Variants in POLR3A observed in about 807,000 individuals in gnomAD.
POLR3A encodes DNA-directed RNA polymerase III subunit RPC1.
POLR3A carries 112 observed loss-of-function variants against 152.8 expected under a neutral mutation model. The observed-to-expected ratio is 0.73, with a 90% CI of 0.63 to 0.86. The LOEUF is 0.86. POLR3A is among the 40% of genes least tolerant of loss of function. The pLI is 0.00. For synonymous variants in POLR3A, 615 were observed against 652.1 expected, an observed-to-expected ratio of 0.94 and a Z score of 0.87; for missense variants, 1,385 against 1,743.1, an observed-to-expected ratio of 0.79 and a Z score of 3.66.
intron 30 of POLR3A, 51 bp downstream of exon 30, chr10:77,980,090 T>C (rs1847125495): frequency 6.4e-7 from 1 of 1,564,258 alleles, no homozygotes; most frequent in African/African-American, 1.4e-5. Context: ...CCATGGTCTA[T>C]TTGTAAATAG....
chr10:78,022,404 C>T lies in POLR3A; in HGVS notation c.646-20G>A, dbSNP rs775497531. On this transcript the variant is annotated intron_variant, in intron 5 of 30. Transcript: ENST00000372371. Reference sequence around the variant, plus strand: ...GTTTTCCTATGGAAACGAAGAAAGGCAGAAATGGAGATACTATGTTAGTTT... The same window carrying T: ...GTTTTCCTATGGAAACGAAGAAAGGTAGAAATGGAGATACTATGTTAGTTT... The T allele has an allele frequency of 1.2e-6, 2 of 1,611,982 alleles. No homozygotes were observed. The highest frequency in any genetic ancestry group is 1.7e-6 in the Non-Finnish European group (2 of 1,179,808).
chr10:78,021,167 G>A (rs1009068037), intron 8 of POLR3A, among the ~76,000 whole-genome samples: 1 of 152,102 alleles, frequency 6.6e-6, no homozygotes, highest in African/African-American at 2.4e-5. Context: ...GGTTTTTACT[G>A]TGTTGCCCAG....
At chr10:77,983,818 G>A in intron 26 of POLR3A, 102 bp downstream of exon 26, 1 of 764,770 alleles carries the variant, frequency 1.3e-6, no homozygotes, top group South Asian at 1.5e-5. Flanking sequence ...AGAAGGTTCT[G>A]CAATGCTTCC....
intron 19 of POLR3A, among the ~76,000 whole-genome samples, chr10:77,997,595 C>T (rs955389823): frequency 1.3e-5 from 2 of 152,132 alleles, no homozygotes; most frequent in Non-Finnish European, 2.9e-5. Flanking sequence ...ATCCAACTTA[C>T]AAGGGATGTG....
chr10:78,006,253 C>T (rs538897868), intron 15 of POLR3A, among the ~76,000 whole-genome samples: 20 of 151,792 alleles, frequency 1.3e-4, no homozygotes, highest in Admixed American at 2.0e-4. Flanking sequence ...AAAAATTAGC[C>T]GGGCATGGTG....
intron 5 of POLR3A, among the ~76,000 whole-genome samples, chr10:78,023,244 TGAGGTCAG>T (rs1334280460): frequency 6.6e-6 from 1 of 151,854 alleles, no homozygotes; most frequent in African/African-American, 2.4e-5. Context: ...GTGGGTCACC[TGAGGTCAG>T]GAGTTCAAGA....
chr10:77,999,165 C>A (rs180781162), intron 19 of POLR3A, among the ~76,000 whole-genome samples: 1 of 151,678 alleles, frequency 6.6e-6, no homozygotes, highest in South Asian at 2.1e-4. Flanking sequence ...GTAGGGGGAG[C>A]GGGGAGGGAT....
Position 77,977,131 on chromosome 10 carries a change from G to A in POLR3A, c.*347C>T, listed in dbSNP as rs1030918374. Reference sequence around the variant, plus strand: ...AGGTGTGAAGACACCATGGGGAGCCGATGGATGTATGCAGTGAGCTGGGAT... The same window carrying A: ...AGGTGTGAAGACACCATGGGGAGCCAATGGATGTATGCAGTGAGCTGGGAT... On this transcript the variant is annotated 3_prime_UTR_variant, in exon 31 of 31. Transcript: ENST00000372371. The A allele has an allele frequency of 3.5e-5, 12 of 339,564 alleles. No individual in the cohort carries two copies. The highest frequency in any genetic ancestry group is 2.0e-3 in the Middle Eastern group (2 of 1,024). The allele number at this position is 339,564 out of a possible 1,614,324, so 21.0% of individuals were successfully genotyped here. A position where few individuals can be genotyped will look rare whatever the true frequency, so the allele number is the denominator to read the frequency against.
Position 78,009,923 on chromosome 10 carries a change from T to C in POLR3A, c.1711A>G (p.Ile571Val), listed in dbSNP as rs752227903. 2.5e-6 allele frequency: 4 copies of C among 1,613,996 alleles called. No homozygotes were observed. The highest frequency in any genetic ancestry group is 2.2e-5 in the South Asian group (2 of 91,088). ...RAKACQIIAS[I>V]LVGKDEKIKV... ...ATTTTCTCATCCTTGCCAACCAGTA[T>C]TGAAGCAATGATTTGGCAAGCCTTG... Residue 571 changes from isoleucine to valine, a missense_variant, in exon 13 of 31, where the codon ATA (isoleucine) becomes GTA (valine). Physicochemically the swap from Ile to Val is conservative, Grantham distance 29 (BLOSUM62 3). This residue lies in a region of POLR3A where 188 missense variants were observed against 179.9 expected (regional missense o/e 1.04). Coordinates refer to ENST00000372371, the MANE Select transcript of POLR3A (RefSeq NM_007055.4).
At chr10:78,015,200 T>G (rs1018047333) in intron 10 of POLR3A, among the ~76,000 whole-genome samples, 1 of 152,234 alleles carries the variant, frequency 6.6e-6, no homozygotes, top group Non-Finnish European at 1.5e-5. Flanking sequence ...GACACAGATA[T>G]GGGTTCATCG....
At chr10:78,000,831 T>G in intron 18 of POLR3A, 145 bp downstream of exon 18, 1 of 626,492 alleles carries the variant, frequency 1.6e-6, no homozygotes, top group South Asian at 1.5e-5. Flanking sequence ...GCCTGAAGTG[T>G]ATCTTAATAA....
intron 19 of POLR3A, among the ~76,000 whole-genome samples, chr10:77,996,834 C>A (rs1240343062): frequency 1.3e-5 from 2 of 152,150 alleles, no homozygotes; most frequent in Non-Finnish European, 1.5e-5. Flanking sequence ...CATCCTGATA[C>A]CAAAGCCTGG....
At position 78,029,117 on chromosome 10, in the gene POLR3A, C is replaced by T. The variant is rs956468627; in HGVS notation, c.44+247G>A. ...GAGCTTTGGCCCAGGGTGCACAAAT[C>T]ATTAAGGCTCAGGCCACTCCGACTT... On this transcript the variant is annotated intron_variant, in intron 1 of 30. Coordinates refer to ENST00000372371, the MANE Select transcript of POLR3A (RefSeq NM_007055.4). Among the ~76,000 whole-genome samples the T allele has an allele frequency of 2.6e-5, 4 of 152,264 alleles. No homozygotes were observed. In the East Asian group the frequency reaches 7.7e-4, roughly 29 times the overall value.
chr10:78,029,364 A>G lies in POLR3A; in HGVS notation c.44T>C (p.Ile15Thr), dbSNP rs1847668803. The part of the protein sequence containing the change: ...QFRETDVAKK[I>T]SHICFGMKSP... Reference sequence around the variant, plus strand: ...TTTGGCCACTCTTACTCCGTCTTACATTTTCTTGGCCACATCCGTCTCCCG... The same window carrying G: ...TTTGGCCACTCTTACTCCGTCTTACGTTTTCTTGGCCACATCCGTCTCCCG... The change falls in exon 1 of 31, where the codon ATA becomes ACA. Residue 15 changes from isoleucine to threonine, a missense_variant and splice_region_variant. Transcript: ENST00000372371. The G allele has an allele frequency of 1.9e-6, 3 of 1,613,826 alleles. No individual in the cohort carries two copies. The highest frequency in any genetic ancestry group is 1.7e-6 in the Non-Finnish European group (2 of 1,180,008).
rs372190853 is a variant in POLR3A, at chr10:78,023,822, A to AT, written c.645+726_645+727insA. 3.9e-3 allele frequency among the ~76,000 whole-genome samples: 586 copies of AT among 151,192 alleles called. 6 individuals are homozygous for AT. Among genetic ancestry groups the AT allele is most frequent in the African/African-American group, 0.014 (568 of 41,286 alleles). ...TAAACAAATATATAAAATAATAATA[A>AT]AAAAAAAGAACTGAGGTAAAAACAC... On this transcript the variant is annotated intron_variant, in intron 5 of 30. Transcript: ENST00000372371.
At chr10:77,998,070 T>A (rs913083984) in intron 19 of POLR3A, among the ~76,000 whole-genome samples, 2 of 152,264 alleles carry the variant, frequency 1.3e-5, no homozygotes, top group African/African-American at 4.8e-5. Flanking sequence ...CCCTATTTAA[T>A]AAATGGTGCT....
intron 8 of POLR3A, among the ~76,000 whole-genome samples, chr10:78,020,581 G>T (rs1410029819): frequency 6.6e-6 from 1 of 151,854 alleles, no homozygotes; most frequent in East Asian, 1.9e-4. Flanking sequence ...GAGGTCAGGA[G>T]ATCGAGACGA....
intron 15 of POLR3A, among the ~76,000 whole-genome samples, chr10:78,006,912 AG>A (rs1847417286): frequency 6.6e-6 from 1 of 152,110 alleles, no homozygotes; most frequent in Non-Finnish European, 1.5e-5. Context: ...TGAGACCAGG[AG>A]TTCAAGACCA....
At chr10:77,996,431 G>T (rs1234059404) in intron 19 of POLR3A, among the ~76,000 whole-genome samples, 3 of 151,890 alleles carry the variant, frequency 2.0e-5, no homozygotes, top group Non-Finnish European at 4.4e-5. Context: ...TAATAAAGAA[G>T]AAAAGAGAGA....
Sources: gnomAD v4.1 joint callset for allele counts (sites outside exome capture counted in the v4.1 genomes callset) on GRCh38, gnomAD v4.1.1 for gene constraint, gnomAD v4.1.1 regional missense constraint, MANE v1.5 for transcripts, NCBI Gene and HGNC (gene_info 2026-07-23, HGNC 2026-07-21) for gene names.